Variants in NEK11 observed in about 807,000 individuals in gnomAD.
The protein encoded by NEK11 is NIMA related kinase 11.
NEK11 carries 72 observed loss-of-function variants against 80.7 expected under a neutral mutation model. The ratio of observed to expected loss-of-function variants is 0.89; its 90% CI spans 0.74 to 1.08. The LOEUF (loss-of-function observed/expected upper bound fraction) is 1.08. Among genes scored for constraint, NEK11 ranks in the 50% least tolerant of loss-of-function variants. The probability of loss-of-function intolerance (pLI) is 0.00; values close to 1 mark genes in which losing one functional copy is unlikely to be tolerated. For missense variants in NEK11, 764 were observed against 763.6 expected, an observed-to-expected ratio of 1.00 and a Z score of -0.01; for synonymous variants, 251 against 260.7, an observed-to-expected ratio of 0.96 and a Z score of 0.36.
chr3:131,029,616 C>T lies in NEK11; in HGVS notation c.-93C>T. The stretch of plus-strand genomic sequence containing the variant: ...CTTTTAACTTTTCATCTTTAAGGAA[C>T]TGACCAACACTGGATGAATTTGACC... On this transcript the variant is annotated 5_prime_UTR_variant, in exon 3 of 18. Coordinates refer to ENST00000383366, the MANE Select transcript of NEK11 (RefSeq NM_024800.5). The T allele has an allele frequency of 1.6e-6, 2 of 1,243,150 alleles. No individual in the cohort carries two copies. Among genetic ancestry groups the T allele is most frequent in the Admixed American group, 2.1e-5 (1 of 46,994 alleles). 77.0% of individuals were successfully genotyped at this position (1,243,150 alleles called of 1,614,324 possible). A position where few individuals can be genotyped will look rare whatever the true frequency, so the allele number is the denominator to read the frequency against.
rs1024517272 is a variant in NEK11, at chr3:131,057,932, G to C, written c.171-22491G>C. ...TCAATTTTGGCTTTTGTTGCCATTG[G>C]TTTTGGTGTTTTAGACATGAAGTCC... On this transcript the variant is annotated intron_variant, in intron 3 of 17. Coordinates refer to ENST00000383366, the MANE Select transcript of NEK11 (RefSeq NM_024800.5). Among the ~76,000 whole-genome samples, 412 of 152,186 alleles carry C rather than the reference G, an allele frequency of 2.7e-3. 1 individual carries two copies. Among genetic ancestry groups the C allele is most frequent in the African/African-American group, 9.0e-3 (374 of 41,522 alleles).
chr3:131,333,092 C>G (rs908516956), intron 17 of NEK11, among the ~76,000 whole-genome samples: 1 of 152,082 alleles, frequency 6.6e-6, no homozygotes, highest in Admixed American at 6.6e-5. Context: ...GCAGGCCAAC[C>G]TTCAGATTCA....
intron 5 of NEK11, among the ~76,000 whole-genome samples, chr3:131,130,451 A>T (rs4974464): frequency 0.32 from 48,068 of 151,960 alleles, 9,391 homozygotes; most frequent in Middle Eastern, 0.48. Flanking sequence ...TTACTTAATT[A>T]GGTAGGACTT....
At chr3:131,243,596 GT>G in intron 16 of NEK11, 100 bp downstream of exon 16, 4 of 976,814 alleles carry the variant, frequency 4.1e-6, no homozygotes, top group Non-Finnish European at 6.3e-6. Flanking sequence ...TGATATCTTA[GT>G]ATAACAGATG....
intron 15 of NEK11, among the ~76,000 whole-genome samples, chr3:131,234,004 T>C (rs142543441): frequency 1.5e-4 from 23 of 152,226 alleles, no homozygotes; most frequent in African/African-American, 4.3e-4. Context: ...CTTTATACAG[T>C]CTTTCCTCTG....
At position 131,115,948 on chromosome 3, in the gene NEK11, T is replaced by TTCTTTCTTTCTTTCTTTCTTTC. The variant is rs1553878346; in HGVS notation, c.455+6029_455+6050dup. Reference sequence around the variant, plus strand: ...TTTCTTTCTTTCTTTCTTTCTTTCTTTCTTTCTTTCTTTCTTTCTTTCTTT... The same window carrying TTCTTTCTTTCTTTCTTTCTTTC: ...TTTCTTTCTTTCTTTCTTTCTTTCTTTCTTTCTTTCTTTCTTTCTTTCTCTTTCTTTCTTTCTTTCTTTCTTT... On this transcript the variant is annotated intron_variant, in intron 5 of 17. Transcript: ENST00000383366. 8.4e-4 allele frequency among the ~76,000 whole-genome samples: 111 copies of TTCTTTCTTTCTTTCTTTCTTTC among 131,990 alleles called. 3 individuals carry two copies. The highest frequency in any genetic ancestry group is 1.0e-3 in the Non-Finnish European group (61 of 61,238). The allele number at this position is 131,990 out of a possible 152,430, so 86.6% of individuals were successfully genotyped here.
At chr3:131,336,603 C>G (rs1389226262) in intron 17 of NEK11, among the ~76,000 whole-genome samples, 1 of 152,058 alleles carries the variant, frequency 6.6e-6, no homozygotes, top group Non-Finnish European at 1.5e-5. Context: ...GCAACAAAAG[C>G]CAAAATTGAC....
At chr3:131,144,744 G>A (rs1179128733) in intron 7 of NEK11, among the ~76,000 whole-genome samples, 1 of 152,130 alleles carries the variant, frequency 6.6e-6, no homozygotes, top group Non-Finnish European at 1.5e-5. Context: ...CCCATTCCAG[G>A]TAGGTGCACT....
chr3:131,248,685 C>A (rs1355733364), intron 16 of NEK11, among the ~76,000 whole-genome samples: 1 of 152,118 alleles, frequency 6.6e-6, no homozygotes, highest in Non-Finnish European at 1.5e-5. Flanking sequence ...TGTTGGCATG[C>A]AGGCTGTCTA....
At chr3:131,039,090 A>G (rs1195418464) in intron 3 of NEK11, among the ~76,000 whole-genome samples, 4 of 152,206 alleles carry the variant, frequency 2.6e-5, no homozygotes, top group Non-Finnish European at 2.9e-5. Flanking sequence ...AAGTTATTGT[A>G]TCTCATTTAT....
At chr3:131,083,862 G>A (rs1382157189) in intron 4 of NEK11, among the ~76,000 whole-genome samples, 1 of 152,120 alleles carries the variant, frequency 6.6e-6, no homozygotes, top group Non-Finnish European at 1.5e-5. Flanking sequence ...TACCAGAATG[G>A]CAGAATATTT....
intron 16 of NEK11, among the ~76,000 whole-genome samples, chr3:131,252,078 T>A (rs570618254): frequency 6.6e-6 from 1 of 152,144 alleles, no homozygotes; most frequent in Non-Finnish European, 1.5e-5. Flanking sequence ...ATTACATTTT[T>A]GGGAGGCCCA....
At chr3:131,214,589 G>GA (rs2094752009) in intron 14 of NEK11, among the ~76,000 whole-genome samples, 1 of 152,138 alleles carries the variant, frequency 6.6e-6, no homozygotes, top group African/African-American at 2.4e-5. Context: ...TTTCCTGAGG[G>GA]AAAATCATCT....
chr3:131,112,736 C>T, intron 5 of NEK11, among the ~76,000 whole-genome samples: 1 of 152,074 alleles, frequency 6.6e-6, no homozygotes, highest in East Asian at 1.9e-4. Context: ...AAAAATGGGT[C>T]AGAGCTTTCC....
intron 15 of NEK11, among the ~76,000 whole-genome samples, chr3:131,235,509 A>T (rs192902520): frequency 2.0e-5 from 3 of 152,304 alleles, no homozygotes; most frequent in African/African-American, 7.2e-5. Context: ...ATACCATTTC[A>T]TGGTGTCCAG....
chr3:131,162,785 G>A lies in NEK11; in HGVS notation c.1082+258G>A, dbSNP rs145588957. 5.2e-3 allele frequency among the ~76,000 whole-genome samples: 799 copies of A among 152,272 alleles called. 4 individuals carry two copies. The highest frequency in any genetic ancestry group is 0.018 in the African/African-American group (747 of 41,554). ...TGGGAGGTTATTAGTGATGAAAATA[G>A]GGTCAGTTTCCAAACGAAATCTCAT... On this transcript the variant is annotated intron_variant, in intron 11 of 17. Transcript: ENST00000383366.
At chr3:131,251,072 A>G (rs184061658) in intron 16 of NEK11, among the ~76,000 whole-genome samples, 3 of 151,950 alleles carry the variant, frequency 2.0e-5, no homozygotes, top group Admixed American at 2.0e-4. Context: ...TATAACAGAG[A>G]GAGGAAAGAA....
intron 3 of NEK11, among the ~76,000 whole-genome samples, chr3:131,068,735 A>T (rs1339542808): frequency 6.6e-6 from 1 of 152,164 alleles, no homozygotes; most frequent in African/African-American, 2.4e-5. Flanking sequence ...GGGAAACTAG[A>T]TCCTTCCTAG....
intron 4 of NEK11, among the ~76,000 whole-genome samples, chr3:131,094,524 A>T (rs1458711522): frequency 1.3e-5 from 2 of 152,162 alleles, no homozygotes; most frequent in Non-Finnish European, 2.9e-5. Flanking sequence ...GCCTAATACC[A>T]TTGTGTTTGT....
Sources: gnomAD v4.1 joint callset for allele counts (sites outside exome capture counted in the v4.1 genomes callset) on GRCh38, gnomAD v4.1.1 for gene constraint, MANE v1.5 for transcripts, NCBI Gene and HGNC (gene_info 2026-07-23, HGNC 2026-07-21) for gene names.